GRIN2B: variants seen among roughly 807,000 people sequenced by gnomAD.
GRIN2B encodes glutamate ionotropic receptor NMDA type subunit 2B.
GRIN2B carries 5 observed loss-of-function variants against 114.5 expected under a neutral mutation model. The observed-to-expected ratio is 0.04, with a 90% CI of 0.02 to 0.09. The LOEUF is 0.09. GRIN2B is among the 10% of genes least tolerant of loss of function. The pLI, the probability that GRIN2B is intolerant of heterozygous loss-of-function variation, is 1.00. For missense variants in GRIN2B, 1,108 were observed against 1,943.5 expected (o/e 0.57, Z 8.08); for synonymous variants, 787 against 745.1 (o/e 1.06, Z -0.92).
chr12:13,789,758 T>C (rs1864286433), intron 3 of GRIN2B, among the ~76,000 whole-genome samples: 1 of 152,160 alleles, frequency 6.6e-6, no homozygotes, highest in South Asian at 2.1e-4. Context: ...CCTAATTAAA[T>C]AGAATGTCTT....
Position 13,753,506 on chromosome 12 carries a change from G to A in GRIN2B, c.821C>T (p.Pro274Leu), listed in dbSNP as rs1175467005. The change falls in exon 4 of 14, where the codon CCC (proline) becomes CTC (leucine). Residue 274 changes from proline to leucine, a missense_variant. Around this residue, in one of 19 missense-constraint regions of GRIN2B, gnomAD observed 199 missense variants for 439.6 expected, o/e 0.45. Transcript: ENST00000609686. The surrounding 1 kb of genome is among the most constrained non-coding windows in gnomAD (Gnocchi z 6.2). ...ATATGATACAGAGATGAGCCCAGTGGGGAACTCCGCAGGCACTGTGTCTGT... is the reference window on the plus strand; with the variant it reads ...ATATGATACAGAGATGAGCCCAGTGAGGAACTCCGCAGGCACTGTGTCTGT... Reference protein sequence around the residue: ...GDTDTVPAEFPTGLISVSYDE... With the variant: ...GDTDTVPAEFLTGLISVSYDE... The A allele has an allele frequency of 6.2e-7, 1 of 1,614,048 alleles. No homozygotes were observed. Among genetic ancestry groups the A allele is most frequent in the Non-Finnish European group, 8.5e-7 (1 of 1,180,042 alleles).
intron 5 of GRIN2B, among the ~76,000 whole-genome samples, chr12:13,621,367 AT>A (rs1565480010): frequency 6.6e-6 from 1 of 152,158 alleles, no homozygotes; most frequent in East Asian, 1.9e-4. Context: ...GAAGAACTGA[AT>A]GAAGAATTTA....
At chr12:13,582,706 A>G (rs372790493) in intron 10 of GRIN2B, among the ~76,000 whole-genome samples, 4 of 151,482 alleles carry the variant, frequency 2.6e-5, no homozygotes, top group African/African-American at 7.3e-5. Context: ...TCTGAACTCA[A>G]CGTGGAGCTG....
intron 5 of GRIN2B, among the ~76,000 whole-genome samples, chr12:13,646,673 C>T (rs1360235559): frequency 2.0e-5 from 3 of 151,996 alleles, no homozygotes; most frequent in Non-Finnish European, 1.5e-5. Context: ...TCTTCTCCTT[C>T]TCCTTCTTCT....
intron 2 of GRIN2B, among the ~76,000 whole-genome samples, chr12:13,920,810 TC>T (rs1435016704): frequency 6.6e-6 from 1 of 152,196 alleles, no homozygotes. Flanking sequence ...GCTTTCCTGT[TC>T]TTCACTCCTC....
At position 13,916,735 on chromosome 12, in the gene GRIN2B, A is replaced by ACACAAATG. The variant is rs59238170; in HGVS notation, c.-18-50510_-18-50509insCATTTGTG. 9.8e-3 allele frequency among the ~76,000 whole-genome samples: 997 copies of ACACAAATG among 101,876 alleles called. 15 individuals carry two copies. The highest frequency in any genetic ancestry group is 0.046 in the East Asian group (156 of 3,418). 66.8% of individuals were successfully genotyped at this position (101,876 alleles called of 152,430 possible). ...TATACACACACACACACACACACAC[A>ACACAAATG]TTTGTGTGTGTGTGTGTGTGTGTGT... On this transcript the variant is annotated intron_variant, in intron 2 of 13. Transcript: ENST00000609686.
At chr12:13,892,812 G>A (rs1430719994) in intron 2 of GRIN2B, among the ~76,000 whole-genome samples, 1 of 152,164 alleles carries the variant, frequency 6.6e-6, no homozygotes, top group Non-Finnish European at 1.5e-5. Flanking sequence ...AGAGAGTGAA[G>A]GTTATCTACT....
chr12:13,865,789 C>T lies in GRIN2B; in HGVS notation c.411+9G>A, dbSNP rs199984775. On this transcript the variant is annotated intron_variant, in intron 3 of 13. Coordinates refer to ENST00000609686, the MANE Select transcript of GRIN2B (RefSeq NM_000834.5). ...CCCTCAGGCCCTTCTCCCTGCAGCC[C>T]CTTTTTACCTTATCTGCCATTATCA... 44 of 1,609,250 alleles carry T rather than the reference C, an allele frequency of 2.7e-5. No individual in the cohort carries two copies. The highest frequency in any genetic ancestry group is 3.2e-5 in the Non-Finnish European group (38 of 1,175,928).
At chr12:13,928,464 T>A (rs1253619504) in intron 2 of GRIN2B, among the ~76,000 whole-genome samples, 1 of 152,174 alleles carries the variant, frequency 6.6e-6, no homozygotes, top group Non-Finnish European at 1.5e-5. Context: ...TATGGTTACC[T>A]AAAAAGTTCT....
chr12:13,929,058 C>T (rs1866970770), intron 2 of GRIN2B, among the ~76,000 whole-genome samples: 1 of 152,192 alleles, frequency 6.6e-6, no homozygotes, highest in African/African-American at 2.4e-5. Context: ...GAAACATGTT[C>T]AAATTCCCAG....
intron 3 of GRIN2B, among the ~76,000 whole-genome samples, chr12:13,813,025 C>T (rs532100312): frequency 7.3e-5 from 11 of 150,884 alleles, no homozygotes; most frequent in African/African-American, 1.5e-4. Flanking sequence ...CTACAACCTC[C>T]GCCTCCCGGG....
At chr12:13,804,588 T>C (rs1447901371) in intron 3 of GRIN2B, among the ~76,000 whole-genome samples, 1 of 152,134 alleles carries the variant, frequency 6.6e-6, no homozygotes, top group Admixed American at 6.6e-5. Flanking sequence ...CAAGGGAACC[T>C]GTAGAATTCA....
intron 2 of GRIN2B, among the ~76,000 whole-genome samples, chr12:13,890,846 G>C (rs562831652): frequency 6.6e-6 from 1 of 152,274 alleles, no homozygotes; most frequent in South Asian, 2.1e-4. Context: ...GCACCATGCA[G>C]ACTTTCCACC....
intron 5 of GRIN2B, among the ~76,000 whole-genome samples, chr12:13,647,075 C>A (rs908734670): frequency 2.0e-5 from 3 of 152,048 alleles, no homozygotes; most frequent in Admixed American, 6.6e-5. Context: ...TCACTCAAGC[C>A]TCAAGATGAA....
chr12:13,605,360 T>C (rs978733781), intron 10 of GRIN2B, among the ~76,000 whole-genome samples: 2 of 151,928 alleles, frequency 1.3e-5, no homozygotes, highest in Non-Finnish European at 2.9e-5. Flanking sequence ...AGTGAAAAAG[T>C]GGGGAAAAAA....
intron 5 of GRIN2B, among the ~76,000 whole-genome samples, chr12:13,643,825 A>C (rs1288842454): frequency 1.3e-5 from 2 of 152,166 alleles, no homozygotes; most frequent in Admixed American, 6.5e-5. Context: ...CTCATCTGTA[A>C]GAATCAACTC....
intron 5 of GRIN2B, among the ~76,000 whole-genome samples, chr12:13,642,718 T>C (rs1239945394): frequency 6.6e-6 from 1 of 152,190 alleles, no homozygotes; most frequent in Non-Finnish European, 1.5e-5. Flanking sequence ...TGAATGCTGG[T>C]TATGTGTCAG....
rs1304762428 is a variant in GRIN2B, at chr12:13,561,744, CAAACTGGTTG to C, written c.*1029_*1038del. On this transcript the variant is annotated 3_prime_UTR_variant, in exon 14 of 14. Transcript: ENST00000609686. ...TAGCCTTCCTGGAAAGTTCTTGGTTCAAACTGGTTGAAACAATTGCCAACCACTGAGGACT... is the reference window on the plus strand; with the variant it reads ...TAGCCTTCCTGGAAAGTTCTTGGTTCAAACAATTGCCAACCACTGAGGACT... The C allele has an allele frequency of 6.6e-6, 1 of 152,650 alleles. No individual in the cohort carries two copies. Among genetic ancestry groups the C allele is most frequent in the African/African-American group, 2.4e-5 (1 of 41,446 alleles). The allele number at this position is 152,650 out of a possible 1,614,324, so 9.5% of individuals were successfully genotyped here.
chr12:13,967,297 C>T (rs1487221615), intron 2 of GRIN2B, among the ~76,000 whole-genome samples: 2 of 152,218 alleles, frequency 1.3e-5, no homozygotes, highest in Non-Finnish European at 2.9e-5. Flanking sequence ...TAGAACCAGA[C>T]ACACAGTATG....
Sources: allele counts gnomAD v4.1 joint callset (sites outside exome capture counted in the v4.1 genomes callset), GRCh38; gene constraint gnomAD v4.1.1; regional missense constraint gnomAD v4.1.1; non-coding constraint Gnocchi (gnomAD v3.1); transcripts MANE v1.5; gene names NCBI Gene and HGNC (gene_info 2026-07-23, HGNC 2026-07-21).